PLEKHA7: variants seen among roughly 807,000 people sequenced by gnomAD.
PLEKHA7 encodes the protein pleckstrin homology domain-containing family A member 7.
Under a neutral mutation model 170.0 loss-of-function variants are expected in PLEKHA7, and 104 were observed. That is an observed-to-expected ratio of 0.61 (90% CI 0.52 to 0.72). PLEKHA7 has a LOEUF of 0.72. Among genes scored for constraint, PLEKHA7 ranks in the 30% least tolerant of loss-of-function variants. The pLI, the probability that PLEKHA7 is intolerant of heterozygous loss-of-function variation, is 0.00. For synonymous variants in PLEKHA7, 648 were observed against 660.8 expected, an observed-to-expected ratio of 0.98 and a Z score of 0.30; for missense variants, 1,615 against 1,671.7, an observed-to-expected ratio of 0.97 and a Z score of 0.59.
At chr11:16,782,256 G>C (rs1259610982) in intron 26 of PLEKHA7, among the ~76,000 whole-genome samples, 2 of 152,058 alleles carry the variant, frequency 1.3e-5, no homozygotes, top group Non-Finnish European at 2.9e-5. Flanking sequence ...TGTACTTTCT[G>C]GCACAGTACA....
intron 4 of PLEKHA7, among the ~76,000 whole-genome samples, chr11:16,869,440 A>G (rs1854654307): frequency 6.6e-6 from 1 of 152,222 alleles, no homozygotes; most frequent in Non-Finnish European, 1.5e-5. Context: ...TTTGGGTCTC[A>G]GGTTCTTCAT....
chr11:16,800,710 C>T (rs1032099607), intron 17 of PLEKHA7, among the ~76,000 whole-genome samples: 2 of 152,120 alleles, frequency 1.3e-5, no homozygotes, highest in Non-Finnish European at 2.9e-5. Context: ...AAGTAAAGCC[C>T]TTTCTAAAAC....
Position 16,803,268 on chromosome 11 carries a change from G to C in PLEKHA7, c.2035C>G (p.Arg679Gly). 2 of 1,613,886 alleles carry C rather than the reference G, an allele frequency of 1.2e-6. No individual in the cohort carries two copies. The highest frequency in any genetic ancestry group is 1.7e-6 in the Non-Finnish European group (2 of 1,179,800). The change falls in exon 14 of 27, where the codon CGA (arginine) becomes GGA (glycine). Residue 679 changes from arginine (R) to glycine (G), a missense_variant. Coordinates refer to ENST00000531066, the MANE Select transcript of PLEKHA7 (RefSeq NM_001329630.2). The part of the protein sequence containing the change: ...KMTGRDLLKD[R>G]SLKPVKIAES... ...GCGATCTTCACAGGCTTCAGACTTC[G>C]ATCCTTGAGAAGGTCCCGGCCTGTC...
chr11:17,002,886 C>A (rs755971615), intron 3 of PLEKHA7, among the ~76,000 whole-genome samples: 2 of 151,886 alleles, frequency 1.3e-5, no homozygotes, highest in Admixed American at 6.6e-5. Context: ...CTCCTTCCCC[C>A]CAACACAATT....
chr11:16,846,622 T>C (rs142634378), intron 8 of PLEKHA7, among the ~76,000 whole-genome samples: 28 of 152,342 alleles, frequency 1.8e-4, no homozygotes, highest in East Asian at 7.7e-4. Context: ...GCTCAAAAGA[T>C]GTCAGTTGAT....
rs150223626 is a variant in PLEKHA7 at position 16,943,875 on chromosome 11, T to C, written c.221+70114A>G. On this transcript the variant is annotated intron_variant, in intron 3 of 26. Transcript: ENST00000531066. ...TCTGTCCTTGGGTTCCCAAAGTGCA[T>C]AAAAGCAAAACTCACTGGAGGCACT... 1.5e-3 allele frequency among the ~76,000 whole-genome samples: 234 copies of C among 152,242 alleles called. 2 individuals carry two copies. The highest frequency in any genetic ancestry group is 5.5e-3 in the African/African-American group (227 of 41,548).
Position 16,791,403 on chromosome 11 carries a change from G to A in PLEKHA7, c.2746-204C>T, listed in dbSNP as rs924446505. 3.2e-6 allele frequency: 2 copies of A among 623,290 alleles called. No homozygotes were observed. The highest frequency in any genetic ancestry group is 5.7e-6 in the Non-Finnish European group (2 of 349,584). 38.6% of individuals were successfully genotyped at this position (623,290 alleles called of 1,614,324 possible). ...TGCTCTGCTCCTCTATCCCCTCAGAGGTATACAGTTTCTATTCCTCCAAGT... is the reference window on the plus strand; with the variant it reads ...TGCTCTGCTCCTCTATCCCCTCAGAAGTATACAGTTTCTATTCCTCCAAGT... On this transcript the variant is annotated intron_variant, in intron 19 of 26. Coordinates refer to ENST00000531066, the MANE Select transcript of PLEKHA7 (RefSeq NM_001329630.2). The surrounding 1 kb of genome is among the most constrained non-coding windows in gnomAD (Gnocchi z 4.5).
intron 3 of PLEKHA7, among the ~76,000 whole-genome samples, chr11:16,906,827 T>C (rs1384117212): frequency 4.9e-4 from 65 of 132,584 alleles, no homozygotes; most frequent in Admixed American, 8.9e-4. Context: ...GGCTGCCCAG[T>C]CTGGAAAGTG....
chr11:16,870,230 G>C, intron 4 of PLEKHA7, among the ~76,000 whole-genome samples: 1 of 152,188 alleles, frequency 6.6e-6, no homozygotes, highest in South Asian at 2.1e-4. Flanking sequence ...TCCTCTCTTT[G>C]GACTCCTATT....
At chr11:16,897,831 C>T (rs1042460041) in intron 3 of PLEKHA7, among the ~76,000 whole-genome samples, 18 of 152,092 alleles carry the variant, frequency 1.2e-4, no homozygotes, top group Admixed American at 4.6e-4. Context: ...ATGTAAAAGG[C>T]GATTAAGGAA....
chr11:17,002,086 C>T (rs992955218), intron 3 of PLEKHA7, among the ~76,000 whole-genome samples: 10 of 152,194 alleles, frequency 6.6e-5, no homozygotes, highest in Non-Finnish European at 1.0e-4. Context: ...AGAGCACCAG[C>T]GACTGGCTCA....
At position 16,838,982 on chromosome 11, in the gene PLEKHA7, G is replaced by A. The variant is rs185268214; in HGVS notation, c.872+2565C>T. On this transcript the variant is annotated intron_variant, in intron 9 of 26. Coordinates refer to ENST00000531066, the MANE Select transcript of PLEKHA7 (RefSeq NM_001329630.2). ...ATTACAGGTGTGAGCCACCGCACCC[G>A]GCCACACAGCTTTCTTTAAAGGGCA... Among the ~76,000 whole-genome samples the A allele has an allele frequency of 9.2e-5, 14 of 152,082 alleles. No individual in the cohort carries two copies. In the East Asian group the frequency reaches 1.5e-3, roughly 17 times the overall value.
At chr11:16,813,773 C>T (rs1413481230) in intron 12 of PLEKHA7, among the ~76,000 whole-genome samples, 1 of 152,192 alleles carries the variant, frequency 6.6e-6, no homozygotes, top group Non-Finnish European at 1.5e-5. Context: ...TCAGGAGCTA[C>T]CTGAGGCAGG....
At chr11:16,940,310 A>G (rs1408321085) in intron 3 of PLEKHA7, among the ~76,000 whole-genome samples, 1 of 134,426 alleles carries the variant, frequency 7.4e-6, no homozygotes, top group Admixed American at 8.0e-5. Context: ...TTTTTGAGAC[A>G]GAGTCTTGCT....
At chr11:16,948,404 T>C (rs1861184665) in intron 3 of PLEKHA7, among the ~76,000 whole-genome samples, 1 of 152,172 alleles carries the variant, frequency 6.6e-6, no homozygotes, top group African/African-American at 2.4e-5. Context: ...CATCATGCTA[T>C]ACACAATAAA....
intron 3 of PLEKHA7, among the ~76,000 whole-genome samples, chr11:16,982,079 A>G (rs963507532): frequency 2.0e-5 from 3 of 152,240 alleles, no homozygotes; most frequent in Non-Finnish European, 2.9e-5. Flanking sequence ...AAGGTTCCCA[A>G]TGATCTGGCC....
At chr11:16,942,252 AC>A (rs1860746499) in intron 3 of PLEKHA7, among the ~76,000 whole-genome samples, 1 of 152,230 alleles carries the variant, frequency 6.6e-6, no homozygotes, top group African/African-American at 2.4e-5. Flanking sequence ...TTCCCTTAGA[AC>A]AGGTCTAAGG....
intron 3 of PLEKHA7, among the ~76,000 whole-genome samples, chr11:16,968,399 G>A (rs575518477): frequency 1.3e-5 from 2 of 152,308 alleles, no homozygotes; most frequent in South Asian, 2.1e-4. Flanking sequence ...AGCCAGCGCT[G>A]AGATCAGGCC....
intron 3 of PLEKHA7, among the ~76,000 whole-genome samples, chr11:17,005,536 C>CA (rs1565200487): frequency 1.3e-5 from 2 of 151,412 alleles, no homozygotes; most frequent in Non-Finnish European, 2.9e-5. Context: ...TGTCTCAAAA[C>CA]AAAAAAAGAA....
Sources: gnomAD v4.1 joint callset for allele counts (sites outside exome capture counted in the v4.1 genomes callset) on GRCh38, gnomAD v4.1.1 for gene constraint, Gnocchi (gnomAD v3.1) non-coding constraint, MANE v1.5 for transcripts, NCBI Gene and HGNC (gene_info 2026-07-23, HGNC 2026-07-21) for gene names.